Variants in UVSSA observed in about 807,000 individuals in gnomAD.
The protein encoded by UVSSA is UV stimulated scaffold protein A, also known as UV-stimulated scaffold protein A.
A neutral mutation model predicts 73.9 loss-of-function variants in UVSSA; 72 were observed. The observed-to-expected ratio is 0.97, with a 90% CI of 0.81 to 1.19. The LOEUF is 1.19. Among genes scored for constraint, UVSSA ranks in the 50% most tolerant of loss-of-function variants. The probability of loss-of-function intolerance (pLI) is 0.00; values close to 1 mark genes in which losing one functional copy is unlikely to be tolerated. For synonymous variants in UVSSA, 454 were observed against 391.3 expected (o/e 1.16, Z -1.89); for missense variants, 1,150 against 965.0 (o/e 1.19, Z -2.54).
At chr4:1,348,041 CT>C in intron 1 of UVSSA, 48 bp from the exon 2 acceptor site, 2 of 1,449,400 alleles carry the variant, frequency 1.4e-6, no homozygotes, top group African/African-American at 1.4e-5. Context: ...ACACCGAGAG[CT>C]ATAAAATACA....
intron 8 of UVSSA, among the ~76,000 whole-genome samples, chr4:1,372,767 T>TCCCTGCACTCATCTCCTGCTA (rs1317605905): frequency 5.2e-4 from 26 of 50,388 alleles, no homozygotes; most frequent in East Asian, 4.7e-3. Flanking sequence ...ACCTCCCGCG[T>TCCCTGCACTCATCTCCTGCTA]CTCAGGGCAC....
downstream of UVSSA, chr4:1,391,973 T>G (rs534353124): frequency 6.6e-6 from 1 of 152,394 alleles, no homozygotes; most frequent in Admixed American, 6.5e-5. Flanking sequence ...TTTCTAAATT[T>G]GTTTACTATA....
intron 13 of UVSSA, 101 bp from the exon 14 acceptor site, chr4:1,385,767 G>C: frequency 8.1e-7 from 1 of 1,228,568 alleles, no homozygotes; most frequent in Non-Finnish European, 1.2e-6. Flanking sequence ...GAGGGCAGCA[G>C]TTGCCCCAGG....
intron 13 of UVSSA, 28 bp from the exon 14 acceptor site, chr4:1,385,840 G>C (rs752509774): frequency 3.7e-6 from 6 of 1,613,426 alleles, no homozygotes; most frequent in Non-Finnish European, 5.1e-6. Context: ...AAGCCTCCCA[G>C]GTCACATCTT....
chr4:1,392,492 T>C (rs1381422500), downstream of UVSSA: 1 of 152,258 alleles, frequency 6.6e-6, no homozygotes, highest in Admixed American at 6.5e-5. Context: ...TTTGTTTTTG[T>C]TTATCTGAGA....
At chr4:1,348,289 G>A (rs766362772) in intron 2 of UVSSA, 100 bp downstream of exon 2, 12 of 877,484 alleles carry the variant, frequency 1.4e-5, no homozygotes, top group Non-Finnish European at 2.0e-5. Context: ...AGAACCACCC[G>A]AGGGACACAC....
intron 2 of UVSSA, among the ~76,000 whole-genome samples, chr4:1,348,562 T>A (rs757629250): frequency 1.3e-5 from 2 of 152,150 alleles, no homozygotes. Flanking sequence ...GTCCATCGCC[T>A]TTAGGGTATG....
chr4:1,394,047 G>A, exon 14 of UVSSA: 1 of 263,986 alleles, frequency 3.8e-6, no homozygotes, highest in Non-Finnish European at 7.3e-6. Flanking sequence ...CAGTTGATAT[G>A]TGGTCAGTGC....
chr4:1,346,219 C>A (rs1000568340), upstream of UVSSA, among the ~76,000 whole-genome samples: 1 of 152,238 alleles, frequency 6.6e-6, no homozygotes, highest in African/African-American at 2.4e-5. Flanking sequence ...ACACGATTAA[C>A]AGAGTTGTGA....
At position 1,347,265 on chromosome 4, in the gene UVSSA, T is replaced by G. The variant is rs999196264; in HGVS notation, c.-498T>G. The stretch of plus-strand genomic sequence containing the variant: ...CTGTGGTTACGCTGCCGGGCGGGGG[T>G]CGCGCCGGTTCGGTCCCCGGGGCTC... On this transcript the variant is annotated 5_prime_UTR_variant, in exon 1 of 14. Coordinates refer to ENST00000389851, the MANE Select transcript of UVSSA (RefSeq NM_020894.4). The G allele has an allele frequency of 6.7e-6, 1 of 150,308 alleles. No individual in the cohort carries two copies. Among genetic ancestry groups the G allele is most frequent in the Non-Finnish European group, 1.5e-5 (1 of 67,138 alleles). The allele number at this position is 150,308 out of a possible 1,614,324, so 9.3% of individuals were successfully genotyped here.
rs368535385 is a variant in UVSSA, at chr4:1,384,367, C to T, written c.2036+427C>T. On this transcript the variant is annotated intron_variant, in intron 13 of 13. Coordinates refer to ENST00000389851, the MANE Select transcript of UVSSA (RefSeq NM_020894.4). ...CAAAGGCGGGCAGAACGGGGGTCCA[C>T]GCGTCAGCCCCAGCAGAGCCCAGCC... is the stretch of plus-strand genomic sequence containing the variant. The T allele has an allele frequency of 3.9e-5, 7 of 180,430 alleles. No individual in the cohort carries two copies. In the East Asian group the frequency reaches 7.0e-4, roughly 18 times the overall value. The allele number at this position is 180,430 out of a possible 1,614,324, so 11.2% of individuals were successfully genotyped here.
At chr4:1,363,676 A>G (rs1340364491) in intron 7 of UVSSA, among the ~76,000 whole-genome samples, 1 of 152,110 alleles carries the variant, frequency 6.6e-6, no homozygotes, top group Non-Finnish European at 1.5e-5. Flanking sequence ...TACAGAAATA[A>G]TTTTCAGGTC....
chr4:1,354,557 T>G, intron 5 of UVSSA, 178 bp from the exon 6 acceptor site: 1 of 607,256 alleles, frequency 1.6e-6, no homozygotes, highest in Non-Finnish European at 2.9e-6. Flanking sequence ...TGTTCTTTTC[T>G]AAGATAATAA....
chr4:1,349,056 G>GTGTACGGT, intron 2 of UVSSA, among the ~76,000 whole-genome samples: 2 of 83,578 alleles, frequency 2.4e-5, no homozygotes, highest in African/African-American at 8.9e-5. Flanking sequence ...GTGCCGGGCG[G>GTGTACGGT]TTGGCGTTTG....
At chr4:1,395,773 A>C (rs780992323) in exon 14 of UVSSA, 2 of 1,614,130 alleles carry the variant, frequency 1.2e-6, no homozygotes, top group South Asian at 2.2e-5. Flanking sequence ...GTTACCGTAC[A>C]TTCTACTCAT....
intron 3 of UVSSA, among the ~76,000 whole-genome samples, chr4:1,351,367 C>T (rs1200390025): frequency 6.8e-6 from 1 of 146,776 alleles, no homozygotes; most frequent in African/African-American, 2.5e-5. Flanking sequence ...CTGGGCCAGC[C>T]CTAGTCTTTA....
chr4:1,382,461 A>G (rs574880118), intron 12 of UVSSA, among the ~76,000 whole-genome samples: 1 of 152,346 alleles, frequency 6.6e-6, no homozygotes, highest in South Asian at 2.1e-4. Context: ...GTGCTGCTGC[A>G]GGGCCCGTCA....
chr4:1,382,845 C>T (rs556520638), intron 12 of UVSSA, among the ~76,000 whole-genome samples: 9 of 152,340 alleles, frequency 5.9e-5, no homozygotes, highest in South Asian at 2.1e-4. Flanking sequence ...TGGCTCAGCT[C>T]GTGGGGTCCT....
downstream of UVSSA, chr4:1,388,644 A>G (rs1310047038): frequency 6.6e-6 from 1 of 152,024 alleles, no homozygotes; most frequent in Non-Finnish European, 1.5e-5. Flanking sequence ...TTCTCCTCCT[A>G]GTTTGTTGAG....
Sources: gnomAD v4.1 joint callset for allele counts (sites outside exome capture counted in the v4.1 genomes callset) on GRCh38, gnomAD v4.1.1 for gene constraint, MANE v1.5 for transcripts, NCBI Gene and HGNC (gene_info 2026-07-23, HGNC 2026-07-21) for gene names.